The following CNTN5 variants were observed in gnomAD, a reference collection of about 807,000 sequenced individuals.
The protein encoded by CNTN5 is contactin 5.
CNTN5 carries 77 observed loss-of-function variants against 129.1 expected under a neutral mutation model. That is an observed-to-expected ratio of 0.60 (90% confidence interval 0.50 to 0.72). The LOEUF is 0.72. Among genes scored for constraint, CNTN5 ranks in the 30% least tolerant of loss-of-function variants. The pLI, the probability that CNTN5 is intolerant of heterozygous loss-of-function variation, is 0.00. For synonymous variants in CNTN5, 509 were observed against 465.6 expected (o/e 1.09, Z -1.20); for missense variants, 1,478 against 1,328.8 (o/e 1.11, Z -1.75).
At chr11:99,691,635 C>A (rs1954043352) in intron 3 of CNTN5, among the ~76,000 whole-genome samples, 1 of 152,008 alleles carries the variant, frequency 6.6e-6, no homozygotes, top group African/African-American at 2.4e-5. Flanking sequence ...GATTTCAGTT[C>A]TTTTGCATTT....
chr11:99,958,738 G>A (rs1950865907), intron 8 of CNTN5, among the ~76,000 whole-genome samples: 1 of 152,088 alleles, frequency 6.6e-6, no homozygotes, highest in Non-Finnish European at 1.5e-5. Flanking sequence ...CAAAACTTCT[G>A]AGCCCCTTTC....
rs1382889011 is a variant in CNTN5, at chr11:99,636,778, G to A, written c.55+80509G>A. ...ACCTGTAATCTCAGCACTTTGGGAG[G>A]CCAAGGTGGGGGGATGGACGAGATC... On this transcript the variant is annotated intron_variant, in intron 3 of 24. Coordinates refer to ENST00000524871, the MANE Select transcript of CNTN5 (RefSeq NM_014361.4). Among the ~76,000 whole-genome samples the A allele has an allele frequency of 5.3e-5, 5 of 93,922 alleles. No homozygotes were observed. In the South Asian group the frequency reaches 1.5e-3, roughly 29 times the overall value. 61.6% of individuals were successfully genotyped at this position (93,922 alleles called of 152,430 possible). A position where few individuals can be genotyped will look rare whatever the true frequency, so the allele number is the denominator to read the frequency against.
intron 19 of CNTN5, 58 bp downstream of exon 19, chr11:100,297,753 T>C (rs1400176730): frequency 7.9e-7 from 1 of 1,272,222 alleles, no homozygotes; most frequent in Non-Finnish European, 1.1e-6. Context: ...CTTAGTGTGA[T>C]ATTTAATTAT....
At chr11:100,320,237 C>T (rs1951661213) in intron 21 of CNTN5, among the ~76,000 whole-genome samples, 1 of 152,082 alleles carries the variant, frequency 6.6e-6, no homozygotes, top group African/African-American at 2.4e-5. Context: ...AAAAGTTATT[C>T]TAATGTGTAT....
chr11:99,970,443 T>C (rs1026527673), intron 8 of CNTN5, among the ~76,000 whole-genome samples: 2 of 152,214 alleles, frequency 1.3e-5, no homozygotes, highest in Non-Finnish European at 2.9e-5. Context: ...TTGAGTTTAA[T>C]TTATTATCTA....
intron 6 of CNTN5, among the ~76,000 whole-genome samples, chr11:99,878,550 A>G (rs949252468): frequency 2.0e-5 from 3 of 152,182 alleles, no homozygotes; most frequent in African/African-American, 7.2e-5. Context: ...TCTGTCATTA[A>G]TCAGTACTTT....
intron 6 of CNTN5, among the ~76,000 whole-genome samples, chr11:99,858,574 A>C (rs1306826477): frequency 1.4e-5 from 2 of 143,310 alleles, no homozygotes; most frequent in African/African-American, 5.1e-5. Context: ...ATTTATTTAA[A>C]ACCCTCATGA....
intron 13 of CNTN5, among the ~76,000 whole-genome samples, chr11:100,094,759 GGGAGGAAA>G (rs1425795631): frequency 9.4e-5 from 11 of 116,476 alleles, no homozygotes; most frequent in African/African-American, 3.6e-4. Context: ...GAGGGAGGGA[GGGAGGAAA>G]GGAAGGAAGG....
chr11:99,062,352 C>A (rs76053616), intron 1 of CNTN5, among the ~76,000 whole-genome samples: 5,693 of 152,070 alleles, frequency 0.037, 143 homozygotes, highest in South Asian at 0.093. Flanking sequence ...GATATAGCGG[C>A]CTACCTGGGC....
intron 3 of CNTN5, among the ~76,000 whole-genome samples, chr11:99,803,378 T>C (rs181845168): frequency 3.5e-4 from 54 of 152,264 alleles, no homozygotes; most frequent in African/African-American, 1.2e-3. Context: ...ACAGCATAAT[T>C]CCAGTGCCTT....
At chr11:100,142,074 G>A (rs549908550) in intron 13 of CNTN5, among the ~76,000 whole-genome samples, 3 of 152,246 alleles carry the variant, frequency 2.0e-5, no homozygotes, top group African/African-American at 4.8e-5. Context: ...ACATCAGAAC[G>A]CCAGGCTCTC....
At chr11:99,401,193 T>C (rs1368683425) in intron 2 of CNTN5, among the ~76,000 whole-genome samples, 1 of 152,166 alleles carries the variant, frequency 6.6e-6, no homozygotes, top group Non-Finnish European at 1.5e-5. Flanking sequence ...TGTTTTCTTG[T>C]AGTAGTTTAA....
At chr11:100,089,615 A>G (rs1944677737) in intron 13 of CNTN5, among the ~76,000 whole-genome samples, 1 of 152,284 alleles carries the variant, frequency 6.6e-6, no homozygotes. Context: ...TTGCAACACT[A>G]TTCACAATAG....
chr11:99,790,508 T>A (rs1486727025), intron 3 of CNTN5, among the ~76,000 whole-genome samples: 2 of 152,110 alleles, frequency 1.3e-5, no homozygotes, highest in East Asian at 3.9e-4. Context: ...AGTAACATAC[T>A]TTTTTATTGC....
chr11:99,753,839 C>T (rs1944319690), intron 3 of CNTN5, among the ~76,000 whole-genome samples: 1 of 150,930 alleles, frequency 6.6e-6, no homozygotes, highest in African/African-American at 2.4e-5. Flanking sequence ...AGGTGTGTGC[C>T]ACCACACCCA....
At chr11:100,030,893 C>G (rs1179116664) in intron 9 of CNTN5, among the ~76,000 whole-genome samples, 2 of 152,100 alleles carry the variant, frequency 1.3e-5, no homozygotes, top group African/African-American at 4.8e-5. Flanking sequence ...AGGGATGGAT[C>G]TAGAGCTGGA....
intron 16 of CNTN5, 41 bp downstream of exon 16, chr11:100,224,853 T>A (rs527800912): frequency 3.1e-6 from 5 of 1,602,612 alleles, no homozygotes; most frequent in Admixed American, 1.7e-5. Flanking sequence ...ATGATCACCA[T>A]AAATTATCAT....
chr11:99,744,153 C>G (rs554834748), intron 3 of CNTN5, among the ~76,000 whole-genome samples: 46 of 152,128 alleles, frequency 3.0e-4, no homozygotes, highest in Admixed American at 1.0e-3. Flanking sequence ...GCTTCCAGAC[C>G]AGAGCATTCA....
At chr11:99,610,868 A>G (rs186426311) in intron 3 of CNTN5, among the ~76,000 whole-genome samples, 130 of 152,302 alleles carry the variant, frequency 8.5e-4, no homozygotes, top group African/African-American at 3.0e-3. Flanking sequence ...CAAAAGAGAA[A>G]TATTTGTTAA....
Sources: gnomAD v4.1 joint callset for allele counts (sites outside exome capture counted in the v4.1 genomes callset) on GRCh38, gnomAD v4.1.1 for gene constraint, MANE v1.5 for transcripts, NCBI Gene and HGNC (gene_info 2026-07-23, HGNC 2026-07-21) for gene names.